NFIB: variants seen among roughly 807,000 people sequenced by gnomAD.
The protein encoded by NFIB is nuclear factor I B.
NFIB carries 11 observed loss-of-function variants against 61.5 expected under a neutral mutation model. The observed-to-expected ratio is 0.18, with a 90% confidence interval of 0.11 to 0.30. The LOEUF is 0.30. Among genes scored for constraint, NFIB ranks in the 10% least tolerant of loss-of-function variants. NFIB has a pLI of 1.00. For synonymous variants in NFIB, 260 were observed against 216.5 expected (o/e 1.20, Z -1.76); for missense variants, 471 against 608.9 (o/e 0.77, Z 2.38).
In NFIB at chr9:14,304,966, CA is replaced by C. The variant is rs535038572; in HGVS notation, c.562+2022del. Among the ~76,000 whole-genome samples the C allele has an allele frequency of 3.3e-3, 496 of 152,198 alleles. 3 individuals are homozygous for C. The highest frequency in any genetic ancestry group is 0.011 in the African/African-American group (472 of 41,522). On this transcript the variant is annotated intron_variant, in intron 2 of 10. Transcript: ENST00000380953. ...GAGAAGATGATGCACTGGCAGGTAG[CA>C]GAGGATACAAGTTATATACACAAGA...
chr9:14,132,155 T>C (rs2040476777), intron 6 of NFIB, among the ~76,000 whole-genome samples: 2 of 152,188 alleles, frequency 1.3e-5, no homozygotes, highest in Admixed American at 1.3e-4. Flanking sequence ...GCAAACCATA[T>C]CACTAAATTA....
the NFIB span, among the ~76,000 whole-genome samples, chr9:14,512,866 C>A: frequency 6.7e-6 from 1 of 150,180 alleles, no homozygotes; most frequent in Non-Finnish European, 1.5e-5. Context: ...GTTTTTCTTT[C>A]CAGACATGGA....
chr9:14,256,723 A>G (rs1031100670), intron 2 of NFIB, among the ~76,000 whole-genome samples: 2 of 152,190 alleles, frequency 1.3e-5, no homozygotes, highest in African/African-American at 4.8e-5. Context: ...CCAAAGTGAC[A>G]AGACCATTGG....
At chr9:14,237,842 AGTGTGTGTGTGTGTGTGT>A (rs200054648) in intron 2 of NFIB, among the ~76,000 whole-genome samples, 21 of 52,538 alleles carry the variant, frequency 4.0e-4, no homozygotes, top group African/African-American at 1.2e-3. Context: ...TAGGTATAAC[AGTGTGTGTGTGTGTGTGT>A]GTGTGTGTGT....
At chr9:14,194,133 A>T (rs2048238063) in intron 2 of NFIB, among the ~76,000 whole-genome samples, 1 of 152,242 alleles carries the variant, frequency 6.6e-6, no homozygotes, top group Admixed American at 6.5e-5. Flanking sequence ...TATGCCACAT[A>T]AGGCAAACTT....
chr9:14,376,673 C>T (rs1467838387), intron 1 of NFIB, among the ~76,000 whole-genome samples: 3 of 152,024 alleles, frequency 2.0e-5, no homozygotes, highest in African/African-American at 4.8e-5. Flanking sequence ...GAAGCTACCA[C>T]GCCCAGCTGA....
the NFIB span, among the ~76,000 whole-genome samples, chr9:14,414,676 C>A: frequency 6.6e-6 from 1 of 151,912 alleles, no homozygotes; most frequent in African/African-American, 2.4e-5. Flanking sequence ...CACTCCAAAG[C>A]ATACAGAATG....
At chr9:14,424,852 T>C in the NFIB span, among the ~76,000 whole-genome samples, 1 of 152,142 alleles carries the variant, frequency 6.6e-6, no homozygotes, top group South Asian at 2.1e-4. Context: ...GAATTTTACA[T>C]GAGGGACATC....
At chr9:14,363,591 G>C (rs1322411420) in intron 1 of NFIB, among the ~76,000 whole-genome samples, 3 of 148,478 alleles carry the variant, frequency 2.0e-5, no homozygotes, top group African/African-American at 5.1e-5. Context: ...ATGTATATGT[G>C]TGTACATATA....
intron 3 of NFIB, among the ~76,000 whole-genome samples, chr9:14,170,796 C>T (rs1278319207): frequency 1.3e-5 from 2 of 152,184 alleles, no homozygotes; most frequent in African/African-American, 4.8e-5. Context: ...GGAACCTAGA[C>T]ATTCAACTAA....
At position 14,313,339 on chromosome 9, in the gene NFIB, G is replaced by C. The variant is rs147137827; in HGVS notation, c.30+143C>G. 2 of 1,180,770 alleles carry C rather than the reference G, an allele frequency of 1.7e-6. No individual in the cohort carries two copies. Among genetic ancestry groups the C allele is most frequent in the East Asian group, 5.9e-5 (2 of 34,042 alleles). The allele number at this position is 1,180,770 out of a possible 1,614,324, so 73.1% of individuals were successfully genotyped here. On this transcript the variant is annotated intron_variant, in intron 1 of 10. Coordinates refer to ENST00000380953, the MANE Select transcript of NFIB (RefSeq NM_001190737.2). The surrounding 1 kb of genome is among the most constrained non-coding windows in gnomAD (Gnocchi z 4.5). ...GCTCCCGGCTCCCACGCCGCCCCGC[G>C]ACGCCCGCTGCAACTCCGGGCCACT... is the stretch of plus-strand genomic sequence containing the variant.
chr9:14,244,264 ACATAAG>A (rs2054650929), intron 2 of NFIB, among the ~76,000 whole-genome samples: 1 of 152,218 alleles, frequency 6.6e-6, no homozygotes, highest in South Asian at 2.1e-4. Context: ...AGTTTGTACA[ACATAAG>A]CATAAGAAAT....
intron 1 of NFIB, among the ~76,000 whole-genome samples, chr9:14,352,956 A>T (rs1296889721): frequency 6.6e-6 from 1 of 152,142 alleles, no homozygotes; most frequent in Non-Finnish European, 1.5e-5. Flanking sequence ...GTAGAAGAGG[A>T]TGCTCATTTA....
chr9:14,465,754 C>A, the NFIB span, among the ~76,000 whole-genome samples: 38 of 152,246 alleles, frequency 2.5e-4, no homozygotes, highest in Non-Finnish European at 4.3e-4. Context: ...TTCTGCCACT[C>A]TACTGCAGGG....
the NFIB span, among the ~76,000 whole-genome samples, chr9:14,479,744 T>C: frequency 1.8e-3 from 269 of 152,326 alleles, no homozygotes; most frequent in African/African-American, 6.3e-3. Context: ...TTCACACATA[T>C]TAAGGCAGTC....
At chr9:14,373,515 G>C (rs2061382278) in intron 1 of NFIB, among the ~76,000 whole-genome samples, 1 of 151,162 alleles carries the variant, frequency 6.6e-6, no homozygotes, top group Non-Finnish European at 1.5e-5. Context: ...TCATTGCCAG[G>C]TTTTTTTTTA....
At chr9:14,297,855 C>T (rs947200742) in intron 2 of NFIB, among the ~76,000 whole-genome samples, 1 of 152,060 alleles carries the variant, frequency 6.6e-6, no homozygotes, top group Non-Finnish European at 1.5e-5. Context: ...ATAAAAATAT[C>T]TGTGTTTTAA....
In NFIB at chr9:14,116,350, C is replaced by A; in HGVS notation, c.1246-4G>T. ...CTACTTGACCACTGCCGTTAGGCTA[C>A]AAAACAAAAACAGAATGCCGGGTGA... On this transcript the variant is annotated splice_polypyrimidine_tract_variant and splice_region_variant and intron_variant, in intron 8 of 10. Transcript: ENST00000380953. 1.3e-6 allele frequency: 2 copies of A among 1,494,040 alleles called. No individual in the cohort carries two copies. The highest frequency in any genetic ancestry group is 1.4e-5 in the South Asian group (1 of 73,796). 92.5% of individuals were successfully genotyped at this position (1,494,040 alleles called of 1,614,324 possible).
intron 2 of NFIB, among the ~76,000 whole-genome samples, chr9:14,197,881 C>G (rs1251508831): frequency 6.6e-6 from 1 of 152,094 alleles, no homozygotes; most frequent in Non-Finnish European, 1.5e-5. Flanking sequence ...CTAGACCATT[C>G]TCACCAAGAA....
Sources: gnomAD v4.1 joint callset for allele counts (sites outside exome capture counted in the v4.1 genomes callset) on GRCh38, gnomAD v4.1.1 for gene constraint, Gnocchi (gnomAD v3.1) non-coding constraint, MANE v1.5 for transcripts, NCBI Gene and HGNC (gene_info 2026-07-23, HGNC 2026-07-21) for gene names.